KCNMA1: variants seen among roughly 807,000 people sequenced by gnomAD.
KCNMA1 encodes the protein Calcium-activated potassium channel subunit alpha-1.
KCNMA1 carries 29 observed loss-of-function variants against 140.0 expected under a neutral mutation model. That is an observed-to-expected ratio of 0.21 (90% confidence interval 0.15 to 0.28). The LOEUF is 0.28. Ranked by LOEUF, KCNMA1 falls within the 10% of genes least tolerant of loss-of-function variation. The pLI is 1.00. For missense variants in KCNMA1, 880 were observed against 1,602.2 expected (o/e 0.55, Z 7.70); for synonymous variants, 612 against 611.9 (o/e 1.00, Z 0.00).
chr10:77,471,425 C>T (rs1357158842), intron 1 of KCNMA1, among the ~76,000 whole-genome samples: 1 of 151,060 alleles, frequency 6.6e-6, no homozygotes, highest in Non-Finnish European at 1.5e-5. Context: ...CCAAGCACCA[C>T]ACACAATGCA....
At chr10:77,432,191 A>G (rs1169660568) in intron 1 of KCNMA1, among the ~76,000 whole-genome samples, 3 of 152,190 alleles carry the variant, frequency 2.0e-5, no homozygotes, top group African/African-American at 7.2e-5. Context: ...ATGAGAGGCC[A>G]AAGGGACTTT....
chr10:77,074,577 AG>A (rs1425039251), intron 13 of KCNMA1, among the ~76,000 whole-genome samples: 2 of 152,230 alleles, frequency 1.3e-5, no homozygotes, highest in Admixed American at 1.3e-4. Flanking sequence ...GTACAAGATT[AG>A]GTTTGTCCTG....
At chr10:76,968,640 C>T (rs902616654) in intron 20 of KCNMA1, among the ~76,000 whole-genome samples, 2 of 152,136 alleles carry the variant, frequency 1.3e-5, no homozygotes, top group Admixed American at 6.5e-5. Flanking sequence ...ATCATAAAAA[C>T]GAAAAGCTTG....
At chr10:77,225,350 A>G (rs1290800928) in intron 3 of KCNMA1, among the ~76,000 whole-genome samples, 1 of 152,206 alleles carries the variant, frequency 6.6e-6, no homozygotes, top group African/African-American at 2.4e-5. Flanking sequence ...GGCAGGAACT[A>G]CTAGAAAGAT....
At chr10:77,286,755 G>T (rs923699599) in intron 2 of KCNMA1, among the ~76,000 whole-genome samples, 3 of 29,180 alleles carry the variant, frequency 1.0e-4, no homozygotes, top group South Asian at 1.2e-3. Context: ...GGGACGGTGT[G>T]TGTGTGTGTG....
intron 1 of KCNMA1, among the ~76,000 whole-genome samples, chr10:77,506,707 C>CAA (rs1555400682): frequency 1.7e-4 from 7 of 42,172 alleles, no homozygotes; most frequent in Admixed American, 1.4e-3. Flanking sequence ...AGAGATGTTC[C>CAA]GAGAGAGAGA....
intron 2 of KCNMA1, among the ~76,000 whole-genome samples, chr10:77,325,596 C>T (rs1342742707): frequency 6.6e-6 from 1 of 152,198 alleles, no homozygotes; most frequent in Admixed American, 6.5e-5. Flanking sequence ...GCTCCAAATG[C>T]ATTTCCCATG....
intron 1 of KCNMA1, among the ~76,000 whole-genome samples, chr10:77,434,201 C>G (rs150753420): frequency 1.3e-5 from 2 of 152,354 alleles, no homozygotes; most frequent in African/African-American, 4.8e-5. Flanking sequence ...CTTGGCACAT[C>G]TAGACATCTG....
intron 13 of KCNMA1, among the ~76,000 whole-genome samples, chr10:77,073,707 T>C (rs1376577000): frequency 6.6e-6 from 1 of 152,162 alleles, no homozygotes; most frequent in Non-Finnish European, 1.5e-5. Flanking sequence ...ACCTGTACAG[T>C]TTCTGAAAAC....
downstream of KCNMA1, among the ~76,000 whole-genome samples, chr10:76,883,721 GT>G (rs113872996): frequency 0.31 from 34,577 of 112,932 alleles, 3,359 homozygotes; most frequent in Non-Finnish European, 0.36. Flanking sequence ...TTACTTCCTT[GT>G]TTTTTTTTTT....
chr10:77,151,077 GTTTC>G (rs927887372), intron 5 of KCNMA1, among the ~76,000 whole-genome samples: 36 of 151,596 alleles, frequency 2.4e-4, no homozygotes, highest in East Asian at 1.5e-3. Context: ...TAAATCTGCA[GTTTC>G]TTTCTTTCTT....
chr10:77,207,520 A>G (rs1434256589), intron 3 of KCNMA1, among the ~76,000 whole-genome samples: 1 of 152,202 alleles, frequency 6.6e-6, no homozygotes, highest in African/African-American at 2.4e-5. Context: ...TAAGTACTCA[A>G]TAAATACAGA....
At chr10:77,027,615 C>T (rs915439683) in intron 16 of KCNMA1, among the ~76,000 whole-genome samples, 1 of 152,206 alleles carries the variant, frequency 6.6e-6, no homozygotes, top group Non-Finnish European at 1.5e-5. Flanking sequence ...GAATGCCCAG[C>T]AGGGCTTTGG....
In KCNMA1 at chr10:76,885,137, T is replaced by C. The variant is rs957072843; in HGVS notation, c.*2129A>G. The C allele has an allele frequency of 8.4e-6, 12 of 1,421,776 alleles. No individual in the cohort carries two copies. The Admixed American group carries it at 1.0e-4, about 12-fold the overall frequency. 88.1% of individuals were successfully genotyped at this position (1,421,776 alleles called of 1,614,324 possible). On this transcript the variant is annotated 3_prime_UTR_variant, in exon 28 of 28. Coordinates refer to ENST00000286628, the MANE Select transcript of KCNMA1 (RefSeq NM_001161352.2). ...TAAATGTTCTGAGGGCGTAACTTTATAACCTCCTTTGCAAAGAATGCATGA... is the reference window on the plus strand; with the variant it reads ...TAAATGTTCTGAGGGCGTAACTTTACAACCTCCTTTGCAAAGAATGCATGA...
At chr10:77,473,339 G>T (rs374869705) in intron 1 of KCNMA1, among the ~76,000 whole-genome samples, 3 of 152,204 alleles carry the variant, frequency 2.0e-5, no homozygotes, top group African/African-American at 7.2e-5. Context: ...AGCAGTGAAG[G>T]CTCTTGCAAT....
intron 2 of KCNMA1, among the ~76,000 whole-genome samples, chr10:77,403,649 C>T (rs533343287): frequency 6.6e-6 from 1 of 152,304 alleles, no homozygotes; most frequent in African/African-American, 2.4e-5. Context: ...TTCTCCACTG[C>T]AAATCCCACT....
chr10:77,371,044 G>A (rs2094668043), intron 2 of KCNMA1, among the ~76,000 whole-genome samples: 1 of 152,084 alleles, frequency 6.6e-6, no homozygotes, highest in Admixed American at 6.5e-5. Context: ...TGAACCACAG[G>A]TTAAATCCCC....
chr10:77,490,922 C>T (rs1184545007), intron 1 of KCNMA1, among the ~76,000 whole-genome samples: 1 of 152,178 alleles, frequency 6.6e-6, no homozygotes, highest in Admixed American at 6.5e-5. Flanking sequence ...TACCTTGAAC[C>T]ACTCTTTGTA....
chr10:77,600,852 C>T (rs545462901), intron 1 of KCNMA1, among the ~76,000 whole-genome samples: 1 of 152,238 alleles, frequency 6.6e-6, no homozygotes, highest in South Asian at 2.1e-4. Flanking sequence ...GGTGACAGCG[C>T]CCAGGCATGC....
Sources: gnomAD v4.1 joint callset for allele counts (sites outside exome capture counted in the v4.1 genomes callset) on GRCh38, gnomAD v4.1.1 for gene constraint, MANE v1.5 for transcripts, NCBI Gene and HGNC (gene_info 2026-07-23, HGNC 2026-07-21) for gene names.